CYP4F3: variants seen among roughly 807,000 people sequenced by gnomAD.
CYP4F3 encodes the protein cytochrome P450 family 4 subfamily F member 3, also known as cytochrome P450 4F3.
A neutral mutation model predicts 54.8 loss-of-function variants in CYP4F3; 50 were observed. The observed-to-expected ratio is 0.91, with a 90% CI of 0.73 to 1.16. CYP4F3 has a LOEUF of 1.16. Ranked by LOEUF, CYP4F3 falls within the 50% of genes most tolerant of loss-of-function variation. The probability of loss-of-function intolerance (pLI) is 0.00; values close to 1 mark genes in which losing one functional copy is unlikely to be tolerated. For synonymous variants in CYP4F3, 244 were observed against 262.6 expected (o/e 0.93, Z 0.69); for missense variants, 715 against 676.2 (o/e 1.06, Z -0.64).
rs1326964501 is a variant in CYP4F3 at position 15,661,970 on chromosome 19, T to A, written c.*2585T>A. The A allele has an allele frequency of 6.6e-6, 1 of 152,072 alleles. No individual in the cohort carries two copies. The highest frequency in any genetic ancestry group is 1.5e-5 in the Non-Finnish European group (1 of 68,012). 9.4% of individuals were successfully genotyped at this position (152,072 alleles called of 1,614,324 possible). A position where few individuals can be genotyped will look rare whatever the true frequency, so the allele number is the denominator to read the frequency against. ...TGGATATCCAATTGTTTCACACAAT[T>A]TTTTTGAAAAGAATATCCTTGGCAG... On this transcript the variant is annotated 3_prime_UTR_variant, in exon 13 of 13. Transcript: ENST00000221307.
chr19:15,661,390 TA>T lies in CYP4F3; in HGVS notation c.*2006del, dbSNP rs1346925782. 6.6e-6 allele frequency: 1 copy of T among 152,270 alleles called. No individual in the cohort carries two copies. Among genetic ancestry groups the T allele is most frequent in the Non-Finnish European group, 1.5e-5 (1 of 68,058 alleles). The allele number at this position is 152,270 out of a possible 1,614,324, so 9.4% of individuals were successfully genotyped here. A position where few individuals can be genotyped will look rare whatever the true frequency, so the allele number is the denominator to read the frequency against. On this transcript the variant is annotated 3_prime_UTR_variant, in exon 13 of 13. Coordinates refer to ENST00000221307, the MANE Select transcript of CYP4F3 (RefSeq NM_000896.3). ...TTCCATAAGTAACGTATGAGAATTC[TA>T]GGTCCTCCAAATAATTAGCAGTCCT...
Position 15,650,868 on chromosome 19 carries a change from T to C in CYP4F3, c.918+685T>C, listed in dbSNP as rs10415591. ...TTTCTTTCTTTCTTTCTTTCTTTCTTTTTCTCTCTCTCTCTTTCCTTTTTT... is the reference window on the plus strand; with the variant it reads ...TTTCTTTCTTTCTTTCTTTCTTTCTCTTTCTCTCTCTCTCTTTCCTTTTTT... On this transcript the variant is annotated intron_variant, in intron 7 of 12. Coordinates refer to ENST00000221307, the MANE Select transcript of CYP4F3 (RefSeq NM_000896.3). Among the ~76,000 whole-genome samples, 102 of 43,048 alleles carry C rather than the reference T, an allele frequency of 2.4e-3. 34 individuals carry two copies. The highest frequency in any genetic ancestry group is 0.023 in the Middle Eastern group (2 of 88). 28.2% of individuals were successfully genotyped at this position (43,048 alleles called of 152,430 possible). A position where few individuals can be genotyped will look rare whatever the true frequency, so the allele number is the denominator to read the frequency against.
chr19:15,657,377 G>A (rs28371493), intron 9 of CYP4F3, among the ~76,000 whole-genome samples: 31,661 of 152,086 alleles, frequency 0.21, 3,604 homozygotes, highest in Middle Eastern at 0.27. Flanking sequence ...GCTTACTGCA[G>A]TCTCTGCCTC....
intron 6 of CYP4F3, 71 bp from the exon 7 acceptor site, chr19:15,649,842 G>T: frequency 1.3e-6 from 2 of 1,576,886 alleles, no homozygotes; most frequent in East Asian, 2.2e-5. Context: ...GCTCCTAGCT[G>T]CTGGTGGGAG....
At position 15,645,870 on chromosome 19, in the gene CYP4F3, A is replaced by T. The variant is rs769214573; in HGVS notation, c.343+7A>T. The T allele has an allele frequency of 8.8e-6, 14 of 1,599,082 alleles. No individual in the cohort carries two copies. The African/African-American group carries it at 1.5e-4, about 17-fold the overall frequency. The stretch of plus-strand genomic sequence containing the variant: ...CCTGTGCTCTTTGCTCCAGGTAGAC[A>T]CTGCACTGGCCACTCCAGGTAGACA... On this transcript the variant is annotated splice_region_variant and intron_variant, in intron 3 of 12. Coordinates refer to ENST00000221307, the MANE Select transcript of CYP4F3 (RefSeq NM_000896.3).
intron 9 of CYP4F3, 174 bp from the exon 10 acceptor site, chr19:15,658,090 T>C (rs1366600742): frequency 1.0e-6 from 1 of 978,638 alleles, no homozygotes; most frequent in Non-Finnish European, 1.2e-6. Flanking sequence ...CATGGGTCTA[T>C]TTTCTTGTTT....
chr19:15,651,156 G>A lies in CYP4F3; in HGVS notation c.918+973G>A, dbSNP rs957372572. 1.4e-4 allele frequency among the ~76,000 whole-genome samples: 21 copies of A among 148,056 alleles called. 3 individuals carry two copies. Among genetic ancestry groups the A allele is most frequent in the Non-Finnish European group, 2.7e-4 (18 of 66,324 alleles). On this transcript the variant is annotated intron_variant, in intron 7 of 12. Coordinates refer to ENST00000221307, the MANE Select transcript of CYP4F3 (RefSeq NM_000896.3). Reference sequence around the variant, plus strand: ...CCCAAAGTACTGGGATTACAGGCGTGAGCCACTGTGCCCCACCTTGTCATG... The same window carrying A: ...CCCAAAGTACTGGGATTACAGGCGTAAGCCACTGTGCCCCACCTTGTCATG...
intron 3 of CYP4F3, 125 bp from the exon 4 acceptor site, chr19:15,646,927 C>T (rs1382925165): frequency 6.5e-6 from 9 of 1,389,596 alleles, no homozygotes; most frequent in Non-Finnish European, 8.9e-6. Context: ...CTCCCCTTGA[C>T]CCTCTTCTTG....
In CYP4F3 at chr19:15,652,870, G is replaced by C; in HGVS notation, c.1033G>C (p.Ala345Pro). The C allele has an allele frequency of 6.2e-7, 1 of 1,613,892 alleles. No individual in the cohort carries two copies. Among genetic ancestry groups the C allele is most frequent in the Non-Finnish European group, 8.5e-7 (1 of 1,179,880 alleles). Residue 345 changes from alanine (A) to proline (P), a missense_variant, in exon 9 of 13, where the codon GCA becomes CCA. By Grantham distance (27) the Ala-to-Pro change is conservative. Coordinates refer to ENST00000221307, the MANE Select transcript of CYP4F3 (RefSeq NM_000896.3). Reference protein sequence around the residue: ...SGLSWVLYHLAKHPEYQERCR... With the variant: ...SGLSWVLYHLPKHPEYQERCR... ...TCTCTCCTGGGTCCTGTACCACCTT[G>C]CAAAGCACCCGGAATACCAGGAGCG...
At position 15,662,265 on chromosome 19, in the gene CYP4F3, TC is replaced by T. The variant is rs1272252322; in HGVS notation, c.*2881del. ...CAGCCTGGGTGAAAGAGCTAGATTC[TC>T]TCTCTCAAAAAAAAAAAAAAAAAAA... On this transcript the variant is annotated 3_prime_UTR_variant, in exon 13 of 13. Transcript: ENST00000221307. 1 of 29,210 alleles carries T rather than the reference TC, an allele frequency of 3.4e-5. No homozygotes were observed. The highest frequency in any genetic ancestry group is 3.1e-4 in the African/African-American group (1 of 3,176). The allele number at this position is 29,210 out of a possible 1,614,324, so 1.8% of individuals were successfully genotyped here. A position where few individuals can be genotyped will look rare whatever the true frequency, so the allele number is the denominator to read the frequency against.
At position 15,641,440 on chromosome 19, in the gene CYP4F3, C is replaced by T. The variant is rs372451984; in HGVS notation, c.25C>T (p.Leu9=). MPQLSLSS[L]GLWPMAASPW... is the part of the protein sequence containing the mutation. ...GATGCCACAGCTGAGCCTGTCCTCG[C>T]TGGGCCTTTGGCCAATGGCAGCATC... The change falls in exon 2 of 13, where the codon CTG becomes TTG. Residue 9 remains leucine (L), a synonymous_variant. Transcript: ENST00000221307. The T allele has an allele frequency of 4.2e-5, 68 of 1,614,216 alleles. No individual in the cohort carries two copies. Among genetic ancestry groups the T allele is most frequent in the Non-Finnish European group, 5.8e-5 (68 of 1,180,040 alleles).
chr19:15,650,968 C>T (rs1028814682), intron 7 of CYP4F3, among the ~76,000 whole-genome samples: 8 of 149,736 alleles, frequency 5.3e-5, no homozygotes, highest in Non-Finnish European at 1.2e-4. Context: ...CCCTGCCTCC[C>T]GGGTTCAAGT....
chr19:15,642,234 G>A (rs1267047547), intron 2 of CYP4F3, among the ~76,000 whole-genome samples: 1 of 152,184 alleles, frequency 6.6e-6, no homozygotes, highest in Non-Finnish European at 1.5e-5. Context: ...GCGGAACGTG[G>A]TCTCAATCTG....
At chr19:15,644,820 C>T (rs1972577122) in intron 2 of CYP4F3, among the ~76,000 whole-genome samples, 1 of 152,218 alleles carries the variant, frequency 6.6e-6, no homozygotes, top group Admixed American at 6.5e-5. Flanking sequence ...GGGAAACAGG[C>T]AGCATCCTAC....
intron 2 of CYP4F3, among the ~76,000 whole-genome samples, chr19:15,641,932 T>C (rs991080489): frequency 9.9e-5 from 15 of 152,096 alleles, no homozygotes; most frequent in African/African-American, 3.6e-4. Context: ...ACATTCTCCA[T>C]TGCTGGACTC....
At chr19:15,647,892 T>C (rs999575827) in intron 5 of CYP4F3, among the ~76,000 whole-genome samples, 2 of 152,162 alleles carry the variant, frequency 1.3e-5, no homozygotes, top group Non-Finnish European at 2.9e-5. Context: ...AGGAGTCCCA[T>C]GGTTTACAAT....
intron 6 of CYP4F3, 134 bp downstream of exon 6, chr19:15,649,415 G>A (rs1028551112): frequency 2.8e-6 from 4 of 1,439,600 alleles, no homozygotes; most frequent in Admixed American, 4.2e-5. Flanking sequence ...TTGAAGGACT[G>A]GTATGAATTT....
intron 3 of CYP4F3, 55 bp from the exon 4 acceptor site, chr19:15,646,997 C>A: frequency 2.5e-6 from 4 of 1,607,692 alleles, no homozygotes; most frequent in Non-Finnish European, 3.4e-6. Flanking sequence ...CCCCCACCCC[C>A]AAAGTTCCTC....
Position 15,660,852 on chromosome 19 carries a change from G to C in CYP4F3, c.*1467G>C, listed in dbSNP as rs185443324. 1 of 152,066 alleles carries C rather than the reference G, an allele frequency of 6.6e-6. No homozygotes were observed. Among genetic ancestry groups the C allele is most frequent in the Admixed American group, 6.6e-5 (1 of 15,264 alleles). 9.4% of individuals were successfully genotyped at this position (152,066 alleles called of 1,614,324 possible). A position where few individuals can be genotyped will look rare whatever the true frequency, so the allele number is the denominator to read the frequency against. On this transcript the variant is annotated 3_prime_UTR_variant, in exon 13 of 13. Transcript: ENST00000221307. Reference sequence around the variant, plus strand: ...CTGTCTCAGCCTCCCAAGTAGCTGGGATTACAGGCACCCACCACCACATCC... The same window carrying C: ...CTGTCTCAGCCTCCCAAGTAGCTGGCATTACAGGCACCCACCACCACATCC...
Sources: allele counts gnomAD v4.1 joint callset (sites outside exome capture counted in the v4.1 genomes callset), GRCh38; gene constraint gnomAD v4.1.1; transcripts MANE v1.5; gene names NCBI Gene and HGNC (gene_info 2026-07-23, HGNC 2026-07-21).